The following KLHDC4 variants were observed in gnomAD, a reference collection of about 807,000 sequenced individuals.
KLHDC4 encodes the protein kelch domain containing 4, also known as kelch domain-containing protein 4.
KLHDC4 carries 90 observed loss-of-function variants against 62.4 expected under a neutral mutation model. That is an observed-to-expected ratio of 1.44 (90% CI 1.22 to 1.72). The LOEUF (loss-of-function observed/expected upper bound fraction) is 1.72. Among genes scored for constraint, KLHDC4 ranks in the 40% most tolerant of loss-of-function variants. The pLI is 0.00. For missense variants in KLHDC4, 1,025 were observed against 699.7 expected (o/e 1.47, Z -5.25); for synonymous variants, 386 against 284.4 (o/e 1.36, Z -3.59).
downstream of KLHDC4, among the ~76,000 whole-genome samples, chr16:87,707,059 C>T (rs2034823492): frequency 1.3e-5 from 2 of 152,222 alleles, no homozygotes; most frequent in Admixed American, 6.5e-5. Context: ...ACTAAGGATC[C>T]TATATTCCCA....
At chr16:87,702,083 C>T (rs988161500) in exon 1 of KLHDC4, 14 of 456,218 alleles carry the variant, frequency 3.1e-5, no homozygotes, top group Middle Eastern at 3.2e-4. Flanking sequence ...TTGTGACCCC[C>T]GAGATCAGAA....
At chr16:87,749,786 G>A (rs987735917) in intron 4 of KLHDC4, among the ~76,000 whole-genome samples, 2 of 152,066 alleles carry the variant, frequency 1.3e-5, no homozygotes, top group African/African-American at 4.8e-5. Flanking sequence ...ACGCTGTCCA[G>A]GCTGGTCTCA....
At chr16:87,736,178 C>T (rs1231908422) in intron 5 of KLHDC4, among the ~76,000 whole-genome samples, 2 of 152,136 alleles carry the variant, frequency 1.3e-5, no homozygotes, top group East Asian at 1.9e-4. Context: ...CCTGCACTGA[C>T]GGGAGAGCCC....
At chr16:87,718,682 G>A (rs567472792) in intron 7 of KLHDC4, among the ~76,000 whole-genome samples, 97 of 151,642 alleles carry the variant, frequency 6.4e-4, no homozygotes, top group African/African-American at 2.0e-3. Flanking sequence ...CTGCCTGGCC[G>A]CCCATCGTCT....
exon 1 of KLHDC4, chr16:87,701,439 T>C (rs1018360193): frequency 2.9e-6 from 1 of 341,556 alleles, no homozygotes; most frequent in African/African-American, 2.1e-5. Flanking sequence ...AAACCCAAAG[T>C]GGAAGTGCCT....
chr16:87,700,429 C>T (rs1273801043), exon 1 of KLHDC4: 1 of 160,190 alleles, frequency 6.2e-6, no homozygotes, highest in African/African-American at 2.4e-5. Context: ...CTGCCTCCAG[C>T]CCAGGACCAA....
In KLHDC4 at chr16:87,765,974, G is replaced by T; in HGVS notation, c.-84C>A. 1 of 1,361,126 alleles carries T rather than the reference G, an allele frequency of 7.3e-7. No individual in the cohort carries two copies. Among genetic ancestry groups the T allele is most frequent in the Non-Finnish European group, 1.0e-6 (1 of 984,720 alleles). 84.3% of individuals were successfully genotyped at this position (1,361,126 alleles called of 1,614,324 possible). On this transcript the variant is annotated 5_prime_UTR_variant, in exon 1 of 12. Coordinates refer to ENST00000270583, the MANE Select transcript of KLHDC4 (RefSeq NM_017566.4). ...CTCGGAAACAGGTGCTCGTGGGGCG[G>T]AGCTCGGCGCACAGAAATGGAGTCA... is the stretch of plus-strand genomic sequence containing the variant.
At chr16:87,717,610 G>A (rs535390773) in intron 7 of KLHDC4, among the ~76,000 whole-genome samples, 1 of 152,214 alleles carries the variant, frequency 6.6e-6, no homozygotes, top group Non-Finnish European at 1.5e-5. Context: ...ATTACAGACA[G>A]TGATTGAGAC....
downstream of KLHDC4, among the ~76,000 whole-genome samples, chr16:87,705,075 G>A (rs555570199): frequency 1.7e-4 from 26 of 152,016 alleles, no homozygotes; most frequent in Admixed American, 1.6e-3. Context: ...TCTGGGGGCC[G>A]TGTGGGAGGG....
Position 87,709,352 on chromosome 16 carries a change from C to T in KLHDC4, c.1360G>A (p.Gly454Ser), listed in dbSNP as rs144258726. 10 of 1,613,308 alleles carry T rather than the reference C, an allele frequency of 6.2e-6. No individual in the cohort carries two copies. In the African/African-American group the frequency reaches 8.0e-5, roughly 13 times the overall value. ...TCGCTGAGGGTGACCTGGCGGTCGC[C>T]GGCCTCAAACATGCCCCCATAGACG... is the stretch of plus-strand genomic sequence containing the variant. ...LYVYGGMFEAGDRQVTLSDLH... is the reference protein window; with the variant it reads ...LYVYGGMFEASDRQVTLSDLH... Residue 454 changes from glycine (G) to serine (S), a missense_variant, in exon 10 of 12, where the codon GGC becomes AGC. Coordinates refer to ENST00000270583, the MANE Select transcript of KLHDC4 (RefSeq NM_017566.4).
intron 5 of KLHDC4, among the ~76,000 whole-genome samples, chr16:87,734,835 A>T (rs930398655): frequency 1.3e-5 from 2 of 152,064 alleles, no homozygotes; most frequent in African/African-American, 4.8e-5. Flanking sequence ...AGGGGACAGC[A>T]CCATCCAGCG....
chr16:87,744,060 C>G (rs2042653481), intron 5 of KLHDC4, among the ~76,000 whole-genome samples: 1 of 152,148 alleles, frequency 6.6e-6, no homozygotes, highest in Non-Finnish European at 1.5e-5. Context: ...GGGCAGATCA[C>G]TTGAGGTCAG....
At chr16:87,739,090 TCATC>T (rs1463317585) in intron 5 of KLHDC4, among the ~76,000 whole-genome samples, 5 of 62,756 alleles carry the variant, frequency 8.0e-5, no homozygotes, top group Admixed American at 1.5e-4. Context: ...CACCAGCACC[TCATC>T]CATCCACACA....
intron 1 of KLHDC4, chr16:87,765,052 G>A (rs535172056): frequency 2.2e-6 from 1 of 450,020 alleles, no homozygotes; most frequent in African/African-American, 2.0e-5. Flanking sequence ...GAATACCAGT[G>A]CTACGGAACT....
chr16:87,706,577 A>G (rs1160088031), downstream of KLHDC4, among the ~76,000 whole-genome samples: 6 of 152,178 alleles, frequency 3.9e-5, no homozygotes, highest in East Asian at 1.9e-4. Context: ...CAGTGCCCAG[A>G]GCCTTCCCCT....
chr16:87,716,699 G>T (rs114418537), intron 7 of KLHDC4, among the ~76,000 whole-genome samples: 6 of 152,034 alleles, frequency 3.9e-5, no homozygotes, highest in Admixed American at 2.6e-4. Flanking sequence ...AGGAGGCCGA[G>T]GGGGGTAGAC....
downstream of KLHDC4, among the ~76,000 whole-genome samples, chr16:87,704,713 T>TAA (rs562360889): frequency 6.7e-6 from 1 of 149,680 alleles, no homozygotes; most frequent in African/African-American, 2.5e-5. Context: ...CCAACTCAAT[T>TAA]AAAAAAAAAA....
intron 5 of KLHDC4, 151 bp downstream of exon 5, chr16:87,748,522 G>A: frequency 1.1e-6 from 1 of 951,130 alleles, no homozygotes; most frequent in Non-Finnish European, 1.6e-6. Flanking sequence ...AGAAAATGTG[G>A]TCTCCCAGGA....
intron 6 of KLHDC4, among the ~76,000 whole-genome samples, chr16:87,728,654 T>A (rs1003987881): frequency 6.6e-6 from 1 of 152,180 alleles, no homozygotes; most frequent in Non-Finnish European, 1.5e-5. Context: ...ATGTGTGCAT[T>A]CTGACAATTA....
Sources: allele counts gnomAD v4.1 joint callset (sites outside exome capture counted in the v4.1 genomes callset), GRCh38; gene constraint gnomAD v4.1.1; transcripts MANE v1.5; gene names NCBI Gene and HGNC (gene_info 2026-07-23, HGNC 2026-07-21).